The following TRRAP variants were observed in gnomAD, a reference collection of about 807,000 sequenced individuals.
The protein encoded by TRRAP is transformation/transcription domain associated protein, also known as transformation/transcription domain-associated protein.
Under a neutral mutation model 438.8 loss-of-function variants are expected in TRRAP, and 41 were observed. The observed-to-expected ratio is 0.09, with a 90% CI of 0.07 to 0.12. The LOEUF (loss-of-function observed/expected upper bound fraction) is 0.12. Ranked by LOEUF, TRRAP falls within the 10% of genes least tolerant of loss-of-function variation. The pLI is 1.00. For synonymous variants in TRRAP, 1,994 were observed against 1,962.9 expected (o/e 1.02, Z -0.42); for missense variants, 3,122 against 5,055.1 (o/e 0.62, Z 11.60).
intron 3 of TRRAP, among the ~76,000 whole-genome samples, chr7:98,886,394 A>G (rs902881962): frequency 6.6e-6 from 1 of 150,590 alleles, no homozygotes; most frequent in African/African-American, 2.5e-5. Context: ...AGAGATAGAG[A>G]TAGATATAGA....
chr7:98,936,074 C>G (rs1264531657), intron 28 of TRRAP, among the ~76,000 whole-genome samples: 2 of 152,156 alleles, frequency 1.3e-5, no homozygotes, highest in Admixed American at 6.5e-5. Flanking sequence ...ACTGGGAAAC[C>G]TCAGTTATCA....
rs2116795652 is a variant in TRRAP, at chr7:98,990,610, C to T, written c.9747C>T (p.Leu3249=). Residue 3249 remains leucine (L), a synonymous_variant, in exon 64 of 73, where the codon CTC becomes CTT. Transcript: ENST00000456197. Reference sequence around the variant, plus strand: ...CGGAGGGAAAGCTGCTCTTGAACCTCATTAGCCAGGTGGGAAGAGCAGGGT... The same window carrying T: ...CGGAGGGAAAGCTGCTCTTGAACCTTATTAGCCAGGTGGGAAGAGCAGGGT... ...VGSEGKLLLN[L]ISQVGRVYPQ... The T allele has an allele frequency of 6.2e-7, 1 of 1,612,290 alleles. No individual in the cohort carries two copies. Among genetic ancestry groups the T allele is most frequent in the Non-Finnish European group, 8.5e-7 (1 of 1,178,404 alleles).
At chr7:98,901,617 C>T (rs1796472546) in intron 11 of TRRAP, among the ~76,000 whole-genome samples, 1 of 152,222 alleles carries the variant, frequency 6.6e-6, no homozygotes, top group Admixed American at 6.5e-5. Context: ...GGCACAATCT[C>T]AACTCACTGT....
chr7:98,971,845 C>A lies in TRRAP; in HGVS notation c.7739C>A (p.Thr2580Lys), dbSNP rs76587346. Residue 2580 changes from threonine (T) to lysine (K), a missense_variant, in exon 53 of 73, where the codon ACG (threonine) becomes AAG (lysine). Coordinates refer to ENST00000456197, the MANE Select transcript of TRRAP (RefSeq NM_001375524.1). ...IELAPGDQTS[T>K]PKTKELSEKD... ...CTAGCTCCTGGGGATCAGACCAGCA[C>A]GCCCAAAACCAAAGAACTTTCAGAA... The A allele has an allele frequency of 1.2e-6, 2 of 1,614,150 alleles. No individual in the cohort carries two copies. Among genetic ancestry groups the A allele is most frequent in the Non-Finnish European group, 1.7e-6 (2 of 1,180,042 alleles).
At chr7:98,967,277 C>A in intron 50 of TRRAP, 115 bp downstream of exon 50, 3 of 1,406,938 alleles carry the variant, frequency 2.1e-6, no homozygotes, top group Non-Finnish European at 2.9e-6. Context: ...TTAAAATATT[C>A]ATTTAAATGC....
chr7:98,984,429 G>T, intron 61 of TRRAP, 71 bp downstream of exon 61: 1 of 1,469,256 alleles, frequency 6.8e-7, no homozygotes, highest in Admixed American at 2.5e-5. Context: ...GGCAATGTGG[G>T]GTCTCCTGGT....
intron 12 of TRRAP, among the ~76,000 whole-genome samples, chr7:98,904,627 C>T (rs1165934244): frequency 6.6e-6 from 1 of 152,152 alleles, no homozygotes; most frequent in Non-Finnish European, 1.5e-5. Context: ...TTGCTGGCTT[C>T]CCAAGCTGCT....
At chr7:98,913,611 CTG>C (rs1182300020) in intron 18 of TRRAP, among the ~76,000 whole-genome samples, 3 of 152,098 alleles carry the variant, frequency 2.0e-5, no homozygotes, top group Admixed American at 6.6e-5. Flanking sequence ...TGTGTTTTCT[CTG>C]TGTTAACAGT....
At chr7:98,898,014 C>T in intron 8 of TRRAP, 148 bp downstream of exon 8, 2 of 1,322,864 alleles carry the variant, frequency 1.5e-6, no homozygotes, top group Non-Finnish European at 2.1e-6. Context: ...TTCTCTGCAG[C>T]CTGGGAGGGG....
At chr7:98,906,389 ATTTTTG>A (rs201425666) in intron 13 of TRRAP, 134 bp downstream of exon 13, 7,431 of 402,616 alleles carry the variant, frequency 0.018, 155 homozygotes, top group Middle Eastern at 0.027. Context: ...CAAGTGCAGG[ATTTTTG>A]TTTTTGTTTT....
intron 14 of TRRAP, among the ~76,000 whole-genome samples, chr7:98,909,840 C>T (rs1796983340): frequency 6.6e-6 from 1 of 152,220 alleles, no homozygotes. Context: ...TGTTACCAGC[C>T]TTCCACCAGT....
At position 99,012,025 on chromosome 7, in the gene TRRAP, C is replaced by T; in HGVS notation, c.11338-46C>T. 1.3e-6 allele frequency: 2 copies of T among 1,592,068 alleles called. No homozygotes were observed. Among genetic ancestry groups the T allele is most frequent in the Non-Finnish European group, 1.7e-6 (2 of 1,166,422 alleles). On this transcript the variant is annotated intron_variant, in intron 72 of 72. Coordinates refer to ENST00000456197, the MANE Select transcript of TRRAP (RefSeq NM_001375524.1). This position sits in a 1 kb window ranked among gnomAD's most constrained non-coding sequence, Gnocchi z 5.9. ...CTTGTTAGGAAGCTGCCCCTGTGGGCTGTTCTTGGTTAAACACAAGTCGTC... is the reference window on the plus strand; with the variant it reads ...CTTGTTAGGAAGCTGCCCCTGTGGGTTGTTCTTGGTTAAACACAAGTCGTC...
At chr7:98,959,721 C>T (rs75102418) in intron 45 of TRRAP, among the ~76,000 whole-genome samples, 1 of 151,870 alleles carries the variant, frequency 6.6e-6, no homozygotes, top group Non-Finnish European at 1.5e-5. Flanking sequence ...TTTAGGAGTT[C>T]GAGACCAGTC....
intron 10 of TRRAP, 23 bp from the exon 11 acceptor site, chr7:98,900,601 A>G (rs782587700): frequency 6.9e-6 from 11 of 1,586,522 alleles, no homozygotes; most frequent in African/African-American, 5.4e-5. Flanking sequence ...GAGAGGTAAT[A>G]TTTTTGTTCT....
chr7:98,980,757 A>G (rs1465004546), intron 58 of TRRAP, among the ~76,000 whole-genome samples: 1 of 152,276 alleles, frequency 6.6e-6, no homozygotes, highest in Non-Finnish European at 1.5e-5. Flanking sequence ...AAGCAATTCA[A>G]AATTACACCC....
chr7:98,894,171 C>T (rs1796092117), intron 6 of TRRAP, among the ~76,000 whole-genome samples: 1 of 152,150 alleles, frequency 6.6e-6, no homozygotes, highest in African/African-American at 2.4e-5. Context: ...GTATGTTGTA[C>T]AGGGATTAAG....
intron 61 of TRRAP, 151 bp downstream of exon 61, chr7:98,984,509 CA>C: frequency 2.1e-6 from 2 of 966,536 alleles, no homozygotes; most frequent in Non-Finnish European, 2.9e-6. Context: ...ACAGTCCTTC[CA>C]AAACACAAAA....
At chr7:99,000,032 G>A (rs1052708770) in intron 67 of TRRAP, 3 of 164,754 alleles carry the variant, frequency 1.8e-5, no homozygotes, top group Non-Finnish European at 3.9e-5. Context: ...TTTTAAGGTG[G>A]AGTTTTGCTC....
chr7:98,899,861 G>T, intron 10 of TRRAP, 94 bp downstream of exon 10: 2 of 1,420,482 alleles, frequency 1.4e-6, no homozygotes. Flanking sequence ...AATTATGAGT[G>T]ATAAAATTTT....
Sources: allele counts gnomAD v4.1 joint callset (sites outside exome capture counted in the v4.1 genomes callset), GRCh38; gene constraint gnomAD v4.1.1; non-coding constraint Gnocchi (gnomAD v3.1); transcripts MANE v1.5; gene names NCBI Gene and HGNC (gene_info 2026-07-23, HGNC 2026-07-21).